The following EIF2B3 variants were observed in gnomAD, a reference collection of about 807,000 sequenced individuals.
The protein encoded by EIF2B3 is eukaryotic translation initiation factor 2B subunit gamma.
EIF2B3 carries 20 observed loss-of-function variants against 54.1 expected under a neutral mutation model. The observed-to-expected ratio is 0.37, with a 90% CI of 0.26 to 0.54. The LOEUF is 0.54. Among genes scored for constraint, EIF2B3 ranks in the 20% least tolerant of loss-of-function variants. EIF2B3 has a pLI of 0.86. For missense variants in EIF2B3, 448 were observed against 547.8 expected (o/e 0.82, Z 1.82); for synonymous variants, 153 against 188.1 (o/e 0.81, Z 1.52).
rs112477424 is a variant in EIF2B3, at chr1:44,942,444, T to C, written c.295-779A>G. Among the ~76,000 whole-genome samples the C allele has an allele frequency of 1.6e-4, 14 of 88,894 alleles. 1 individual carries two copies. The highest frequency in any genetic ancestry group is 2.3e-4 in the Non-Finnish European group (10 of 42,788). 58.3% of individuals were successfully genotyped at this position (88,894 alleles called of 152,430 possible). ...TTTTTTTTTTTTTTTTTTTTTTTTT[T>C]CCAGACAGGGTCTTACTCTGTCACC... On this transcript the variant is annotated intron_variant, in intron 3 of 11. Transcript: ENST00000360403.
At chr1:44,961,316 C>CA (rs752610849) in intron 3 of EIF2B3, among the ~76,000 whole-genome samples, 18,880 of 81,432 alleles carry the variant, frequency 0.23, 2,135 homozygotes, top group Non-Finnish European at 0.26. Flanking sequence ...GACCCTGTCT[C>CA]AAAAAAAAAA....
Position 44,907,220 on chromosome 1 carries a change from G to A in EIF2B3, c.567-9776C>T, listed in dbSNP as rs1466649947. On this transcript the variant is annotated intron_variant, in intron 5 of 11. Coordinates refer to ENST00000360403, the MANE Select transcript of EIF2B3 (RefSeq NM_020365.5). ...ATCCTTTCTCCATATTGTATCCAGA[G>A]TTATCTTTCGAAGGCAAATTTGATT... Among the ~76,000 whole-genome samples, 4 of 152,158 alleles carry A rather than the reference G, an allele frequency of 2.6e-5. No individual in the cohort carries two copies. In the East Asian group the frequency reaches 5.8e-4, roughly 22 times the overall value.
chr1:44,916,439 GCTGATCT>G (rs1197719703), intron 5 of EIF2B3, among the ~76,000 whole-genome samples: 2 of 150,538 alleles, frequency 1.3e-5, no homozygotes, highest in Non-Finnish European at 3.0e-5. Flanking sequence ...TATTGCCCAG[GCTGATCT>G]CAAACTCCAG....
At chr1:44,859,222 G>C (rs1654535226) in intron 10 of EIF2B3, among the ~76,000 whole-genome samples, 1 of 152,140 alleles carries the variant, frequency 6.6e-6, no homozygotes, top group Non-Finnish European at 1.5e-5. Flanking sequence ...GATCGCTTAA[G>C]CAAAGGAGGT....
intron 10 of EIF2B3, among the ~76,000 whole-genome samples, chr1:44,872,949 G>A (rs1268424041): frequency 2.0e-5 from 3 of 152,172 alleles, no homozygotes; most frequent in African/African-American, 7.2e-5. Context: ...CTTGAGAGGG[G>A]TCTCTATTAG....
chr1:44,868,041 C>T (rs988301954), intron 10 of EIF2B3, among the ~76,000 whole-genome samples: 5 of 151,340 alleles, frequency 3.3e-5, no homozygotes, highest in Non-Finnish European at 5.9e-5. Flanking sequence ...TTGTCTCCTC[C>T]AAGACGGCAA....
At chr1:44,956,302 G>C (rs1222580260) in intron 3 of EIF2B3, among the ~76,000 whole-genome samples, 1 of 152,050 alleles carries the variant, frequency 6.6e-6, no homozygotes, top group African/African-American at 2.4e-5. Context: ...CTCATAAGTG[G>C]GAGTTGAACA....
At chr1:44,958,493 A>G in intron 3 of EIF2B3, 1 of 877,464 alleles carries the variant, frequency 1.1e-6, no homozygotes, top group South Asian at 1.6e-5. Context: ...GATATACAGT[A>G]GATGATTACT....
intron 3 of EIF2B3, among the ~76,000 whole-genome samples, chr1:44,974,548 A>G (rs568242346): frequency 6.6e-6 from 1 of 151,934 alleles, no homozygotes; most frequent in African/African-American, 2.4e-5. Flanking sequence ...TTACTTAGTT[A>G]CTTGGGAGCC....
intron 10 of EIF2B3, among the ~76,000 whole-genome samples, chr1:44,861,704 A>G (rs1654613022): frequency 6.6e-6 from 1 of 152,178 alleles, no homozygotes; most frequent in African/African-American, 2.4e-5. Flanking sequence ...TGAGACACAT[A>G]AACCACTGCT....
chr1:44,897,955 C>T (rs1424429292), intron 5 of EIF2B3, among the ~76,000 whole-genome samples: 5 of 151,830 alleles, frequency 3.3e-5, no homozygotes, highest in Non-Finnish European at 4.4e-5. Flanking sequence ...AGGCTGGTCT[C>T]GAACTCCTGG....
intron 3 of EIF2B3, among the ~76,000 whole-genome samples, chr1:44,972,268 T>TATAAACAC (rs1553180661): frequency 1.1e-5 from 1 of 90,938 alleles, no homozygotes; most frequent in Non-Finnish European, 2.3e-5. Context: ...CACACACACA[T>TATAAACAC]ATACACACAC....
chr1:44,882,926 TTC>T (rs1655453604), intron 6 of EIF2B3, among the ~76,000 whole-genome samples: 2 of 142,226 alleles, frequency 1.4e-5, no homozygotes, highest in Non-Finnish European at 3.1e-5. Context: ...TTTTTTCTTT[TTC>T]TTTTTTTTTT....
chr1:44,907,567 A>T (rs2148920264), intron 5 of EIF2B3, among the ~76,000 whole-genome samples: 1 of 150,646 alleles, frequency 6.6e-6, no homozygotes, highest in East Asian at 2.0e-4. Context: ...AAAAACAAAC[A>T]AAAAATGCTT....
At chr1:44,966,307 C>T (rs1035477442) in intron 3 of EIF2B3, among the ~76,000 whole-genome samples, 6 of 151,810 alleles carry the variant, frequency 4.0e-5, no homozygotes, top group South Asian at 2.1e-4. Context: ...GGCGTGGTGG[C>T]GGGTGCCTGT....
chr1:44,923,220 CTT>C (rs1643786614), intron 5 of EIF2B3, among the ~76,000 whole-genome samples: 1 of 152,126 alleles, frequency 6.6e-6, no homozygotes, highest in African/African-American at 2.4e-5. Context: ...ATTTCCTTCT[CTT>C]GTTTGACTGC....
chr1:44,916,531 A>T (rs1643626209), intron 5 of EIF2B3, among the ~76,000 whole-genome samples: 1 of 146,842 alleles, frequency 6.8e-6, no homozygotes, highest in African/African-American at 2.5e-5. Flanking sequence ...ATTTTCAAGA[A>T]GGGCTCAGGC....
chr1:44,946,776 G>A (rs962533181), intron 3 of EIF2B3, among the ~76,000 whole-genome samples: 19 of 151,852 alleles, frequency 1.3e-4, no homozygotes, highest in African/African-American at 3.4e-4. Context: ...TTTTATAAAC[G>A]CTGTAACAGA....
chr1:44,855,539 G>A (rs116535747), intron 11 of EIF2B3, among the ~76,000 whole-genome samples: 1,779 of 152,026 alleles, frequency 0.012, 26 homozygotes, highest in South Asian at 0.038. Flanking sequence ...ATATAGTTAT[G>A]AGACAATCGA....
Sources: allele counts gnomAD v4.1 joint callset (sites outside exome capture counted in the v4.1 genomes callset), GRCh38; gene constraint gnomAD v4.1.1; transcripts MANE v1.5; gene names NCBI Gene and HGNC (gene_info 2026-07-23, HGNC 2026-07-21).